The following FAM53A variants were observed in gnomAD, a reference collection of about 807,000 sequenced individuals.
The protein encoded by FAM53A is family with sequence similarity 53 member A.
Under a neutral mutation model 26.6 loss-of-function variants are expected in FAM53A, and 28 were observed. The ratio of observed to expected loss-of-function variants is 1.05; its 90% CI spans 0.78 to 1.45. FAM53A has a LOEUF of 1.45. Ranked by LOEUF, FAM53A falls within the 40% of genes most tolerant of loss-of-function variation. FAM53A has a pLI of 0.00. For synonymous variants in FAM53A, 290 were observed against 253.1 expected, an observed-to-expected ratio of 1.15 and a Z score of -1.38; for missense variants, 650 against 575.8, an observed-to-expected ratio of 1.13 and a Z score of -1.32.
At chr4:1,621,715 C>T (rs1361245543) in intron 1 of FAM53A, among the ~76,000 whole-genome samples, 1 of 152,226 alleles carries the variant, frequency 6.6e-6, no homozygotes, top group African/African-American at 2.4e-5. Context: ...CCCTGCCTTC[C>T]CCAGCTCTGA....
At chr4:1,615,303 C>A (rs149084610), downstream of FAM53A, among the ~76,000 whole-genome samples, 1 of 123,302 alleles carries the variant, frequency 8.1e-6, no homozygotes, top group Non-Finnish European at 1.6e-5. Flanking sequence ...AGACAGGATG[C>A]GGCCACACCC....
chr4:1,672,059 C>G (rs1245910039), intron 1 of FAM53A, among the ~76,000 whole-genome samples: 1 of 151,860 alleles, frequency 6.6e-6, no homozygotes, highest in Non-Finnish European at 1.5e-5. Flanking sequence ...ACCCAGGAAC[C>G]CATGGACCCA....
intron 1 of FAM53A, among the ~76,000 whole-genome samples, chr4:1,633,191 C>T (rs1165198523): frequency 2.0e-5 from 3 of 152,196 alleles, no homozygotes; most frequent in African/African-American, 7.2e-5. Flanking sequence ...CACACACGAG[C>T]GCATATCTCC....
upstream of FAM53A, among the ~76,000 whole-genome samples, chr4:1,685,776 C>T (rs553319208): frequency 3.9e-5 from 6 of 152,254 alleles, no homozygotes; most frequent in Admixed American, 3.9e-4. Context: ...CTGTGCTGGC[C>T]AGGTTACCCA....
chr4:1,606,039 T>TA, the FAM53A span, among the ~76,000 whole-genome samples: 1 of 116,266 alleles, frequency 8.6e-6, no homozygotes, highest in Non-Finnish European at 2.0e-5. Flanking sequence ...TTCCTATGAC[T>TA]CTTTTTTTTT....
intron 1 of FAM53A, among the ~76,000 whole-genome samples, chr4:1,680,033 A>G (rs1715310396): frequency 6.7e-6 from 1 of 148,330 alleles, no homozygotes; most frequent in South Asian, 2.1e-4. Context: ...AGAAAAAAAA[A>G]AAAAAGTCCG....
intron 3 of FAM53A, 149 bp from the exon 4 acceptor site, chr4:1,655,872 C>T (rs369478510): frequency 9.2e-6 from 9 of 975,594 alleles, no homozygotes; most frequent in South Asian, 1.8e-5. Flanking sequence ...ATGTCCGTGG[C>T]GCACAGTGGA....
intron 1 of FAM53A, among the ~76,000 whole-genome samples, chr4:1,671,922 G>A (rs1053793726): frequency 6.6e-6 from 1 of 152,162 alleles, no homozygotes; most frequent in Non-Finnish European, 1.5e-5. Flanking sequence ...TCAGGGCTGG[G>A]GCAGGGAAAA....
At chr4:1,651,972 G>A (rs1440305234) in intron 4 of FAM53A, among the ~76,000 whole-genome samples, 12 of 139,650 alleles carry the variant, frequency 8.6e-5, no homozygotes, top group South Asian at 2.3e-4. Flanking sequence ...CACCATGCAC[G>A]CACACACCAC....
intron 4 of FAM53A, chr4:1,644,459 G>T (rs112268609): frequency 1.5e-6 from 2 of 1,324,572 alleles, no homozygotes; most frequent in East Asian, 5.0e-5. Context: ...CAGCGCTAGC[G>T]AAGGCCACAC....
At chr4:1,635,731 T>C (rs1715808659), downstream of FAM53A, among the ~76,000 whole-genome samples, 1 of 152,100 alleles carries the variant, frequency 6.6e-6, no homozygotes, top group Admixed American at 6.6e-5. Context: ...CTATAACCCA[T>C]GAGTTACATC....
At chr4:1,586,063 C>T in the FAM53A span, among the ~76,000 whole-genome samples, 41 of 152,312 alleles carry the variant, frequency 2.7e-4, no homozygotes, top group East Asian at 5.0e-3. Context: ...CTGAGTAGTA[C>T]TCAATTGTGT....
chr4:1,580,599 T>A, the FAM53A span, among the ~76,000 whole-genome samples: 2 of 36,820 alleles, frequency 5.4e-5, no homozygotes, highest in African/African-American at 2.3e-4. Flanking sequence ...GGGCCCCACC[T>A]CCCGCCTAGG....
intron 1 of FAM53A, among the ~76,000 whole-genome samples, chr4:1,623,966 G>A (rs1715170337): frequency 4.6e-5 from 7 of 151,852 alleles, no homozygotes; most frequent in Admixed American, 4.6e-4. Context: ...CGGGACCCTG[G>A]GGCATACCTG....
At chr4:1,618,585 G>C (rs535132262) in intron 1 of FAM53A, among the ~76,000 whole-genome samples, 4 of 152,200 alleles carry the variant, frequency 2.6e-5, no homozygotes, top group African/African-American at 9.7e-5. Flanking sequence ...GAAGGAAGAC[G>C]GGAGGGGAGG....
intron 4 of FAM53A, among the ~76,000 whole-genome samples, chr4:1,653,949 CA>C (rs1713098160): frequency 6.6e-6 from 1 of 152,230 alleles, no homozygotes; most frequent in African/African-American, 2.4e-5. Flanking sequence ...CCGAGCAAGA[CA>C]GTGCAGCCAC....
the FAM53A span, among the ~76,000 whole-genome samples, chr4:1,600,577 C>T: frequency 7.2e-5 from 11 of 152,220 alleles, no homozygotes; most frequent in African/African-American, 2.4e-4. Context: ...GCAAGAAAGG[C>T]GCCATTGCTG....
At chr4:1,584,083 C>A in the FAM53A span, among the ~76,000 whole-genome samples, 1 of 152,176 alleles carries the variant, frequency 6.6e-6, no homozygotes, top group Non-Finnish European at 1.5e-5. Flanking sequence ...CTATCAATCC[C>A]TTGTGGGTTT....
chr4:1,581,319 C>G, the FAM53A span, among the ~76,000 whole-genome samples: 8 of 152,296 alleles, frequency 5.3e-5, no homozygotes, highest in Admixed American at 2.6e-4. Context: ...CGCCCCTCAC[C>G]CTGGCCTCGC....
Sources: allele counts gnomAD v4.1 joint callset (sites outside exome capture counted in the v4.1 genomes callset), GRCh38; gene constraint gnomAD v4.1.1; transcripts MANE v1.5; gene names NCBI Gene and HGNC (gene_info 2026-07-23, HGNC 2026-07-21).